Variants in PHF24 observed in about 807,000 individuals in gnomAD.
The protein encoded by PHF24 is PHD finger protein 24.
In PHF24, 25 loss-of-function variants were observed where a neutral mutation model predicts 42.6. The ratio of observed to expected loss-of-function variants is 0.59; its 90% CI spans 0.43 to 0.82. The LOEUF (loss-of-function observed/expected upper bound fraction) is 0.82, where lower values mean the gene tolerates loss of function less well. PHF24 is among the 40% of genes least tolerant of loss of function. The pLI is 0.00. For missense variants in PHF24, 470 were observed against 538.1 expected, an observed-to-expected ratio of 0.87 and a Z score of 1.25; for synonymous variants, 185 against 204.8, an observed-to-expected ratio of 0.90 and a Z score of 0.83.
chr9:34,719,921 T>G, the PHF24 span, among the ~76,000 whole-genome samples: 1 of 152,168 alleles, frequency 6.6e-6, no homozygotes, highest in Admixed American at 6.5e-5. Flanking sequence ...CTGGGGACCA[T>G]GTATGGGCTG....
chr9:34,691,533 T>C, the PHF24 span, among the ~76,000 whole-genome samples: 1 of 152,196 alleles, frequency 6.6e-6, no homozygotes, highest in Non-Finnish European at 1.5e-5. Flanking sequence ...TGCCCTGTCA[T>C]CCCATTGATG....
chr9:34,698,439 T>C, the PHF24 span, among the ~76,000 whole-genome samples: 1 of 150,242 alleles, frequency 6.7e-6, no homozygotes, highest in Non-Finnish European at 1.5e-5. Flanking sequence ...TACTGCAAAA[T>C]GTACTACTGC....
At chr9:34,922,854 G>A in the PHF24 span, 1 of 1,584,968 alleles carries the variant, frequency 6.3e-7, no homozygotes, top group Non-Finnish European at 8.6e-7. Flanking sequence ...CATGCAGGCT[G>A]CCATATCATC....
the PHF24 span, among the ~76,000 whole-genome samples, chr9:34,670,473 C>A: frequency 6.6e-6 from 1 of 152,208 alleles, no homozygotes; most frequent in African/African-American, 2.4e-5. Context: ...TACTTTCCCA[C>A]TGGATAGCTC....
chr9:34,734,902 G>A, the PHF24 span, among the ~76,000 whole-genome samples: 38 of 152,266 alleles, frequency 2.5e-4, no homozygotes, highest in Non-Finnish European at 5.1e-4. Context: ...CAAACCTCTG[G>A]CAAACCAGCC....
chr9:34,845,585 T>G, the PHF24 span, among the ~76,000 whole-genome samples: 1 of 152,114 alleles, frequency 6.6e-6, no homozygotes, highest in African/African-American at 2.4e-5. Context: ...GTTAACTTTT[T>G]TTTAAATTTT....
chr9:34,918,390 G>A, the PHF24 span: 36 of 636,614 alleles, frequency 5.7e-5, 1 homozygote, highest in South Asian at 4.8e-4. Flanking sequence ...TAACTCGAAG[G>A]GTGAATACCA....
chr9:34,934,576 G>GA, the PHF24 span, among the ~76,000 whole-genome samples: 1 of 146,554 alleles, frequency 6.8e-6, no homozygotes, highest in South Asian at 2.2e-4. Context: ...ACATTAATTG[G>GA]AAAAAAAACA....
chr9:34,751,781 A>C, the PHF24 span, among the ~76,000 whole-genome samples: 1 of 152,204 alleles, frequency 6.6e-6, no homozygotes, highest in African/African-American at 2.4e-5. Context: ...GATCATTCTC[A>C]AGGATAGATC....
chr9:34,678,048 C>A, the PHF24 span: 1 of 152,162 alleles, frequency 6.6e-6, no homozygotes, highest in Non-Finnish European at 1.5e-5. Flanking sequence ...GCAGACCCAC[C>A]CTTAATGTGA....
At chr9:34,972,454 G>A in exon 3 of PHF24, 1 of 1,614,138 alleles carries the variant, frequency 6.2e-7, no homozygotes, top group Non-Finnish European at 8.5e-7. Flanking sequence ...GCGCCGCATG[G>A]GCTACATCCA....
chr9:34,886,964 C>T, the PHF24 span, among the ~76,000 whole-genome samples: 2 of 152,100 alleles, frequency 1.3e-5, no homozygotes, highest in African/African-American at 4.8e-5. Context: ...ACATATACAT[C>T]TCAAACAATA....
At chr9:34,825,305 C>T in the PHF24 span, among the ~76,000 whole-genome samples, 1 of 151,994 alleles carries the variant, frequency 6.6e-6, no homozygotes. Flanking sequence ...CTGACCCTGA[C>T]GTTCTTTAAG....
At chr9:34,677,533 A>T in the PHF24 span, among the ~76,000 whole-genome samples, 1 of 150,998 alleles carries the variant, frequency 6.6e-6, no homozygotes, top group Non-Finnish European at 1.5e-5. Flanking sequence ...AGTAGATGGG[A>T]CTACAGGTGC....
At chr9:34,704,470 A>G in the PHF24 span, among the ~76,000 whole-genome samples, 1 of 140,898 alleles carries the variant, frequency 7.1e-6, no homozygotes, top group South Asian at 2.4e-4. Flanking sequence ...TCAGCCCATG[A>G]TTTCATTAGT....
the PHF24 span, among the ~76,000 whole-genome samples, chr9:34,705,909 A>T: frequency 1.6e-4 from 25 of 152,088 alleles, no homozygotes; most frequent in East Asian, 3.9e-4. Flanking sequence ...ATTTTATTTT[A>T]AAAAAAAGTT....
the PHF24 span, among the ~76,000 whole-genome samples, chr9:34,766,358 C>G: frequency 6.6e-6 from 1 of 152,188 alleles, no homozygotes; most frequent in Admixed American, 6.5e-5. Flanking sequence ...TAGATTTGGT[C>G]TTTTCACATA....
At chr9:34,879,381 A>G in the PHF24 span, among the ~76,000 whole-genome samples, 1 of 152,240 alleles carries the variant, frequency 6.6e-6, no homozygotes, top group African/African-American at 2.4e-5. Context: ...TTGAGAGAAG[A>G]AGGCTTCAGA....
At chr9:34,675,934 C>A in the PHF24 span, among the ~76,000 whole-genome samples, 2 of 152,058 alleles carry the variant, frequency 1.3e-5, no homozygotes, top group Admixed American at 6.6e-5. Context: ...AAAGGACATT[C>A]CAGACAGAAT....
Sources: allele counts gnomAD v4.1 joint callset (sites outside exome capture counted in the v4.1 genomes callset), GRCh38; gene constraint gnomAD v4.1.1; transcripts MANE v1.5; gene names NCBI Gene and HGNC (gene_info 2026-07-23, HGNC 2026-07-21).